ATRNL1: variants seen among roughly 807,000 people sequenced by gnomAD.
ATRNL1 encodes the protein attractin like 1.
Under a neutral mutation model 182.7 loss-of-function variants are expected in ATRNL1, and 95 were observed. The observed-to-expected ratio is 0.52, with a 90% confidence interval of 0.44 to 0.62. ATRNL1 has a LOEUF of 0.62. ATRNL1 is among the 20% of genes least tolerant of loss of function. ATRNL1 has a pLI of 0.00. For missense variants in ATRNL1, 1,471 were observed against 1,679.5 expected (o/e 0.88, Z 2.17); for synonymous variants, 576 against 568.3 (o/e 1.01, Z -0.19).
chr10:115,700,815 T>C (rs1555051304), intron 26 of ATRNL1, among the ~76,000 whole-genome samples: 1 of 152,040 alleles, frequency 6.6e-6, no homozygotes. Context: ...AACAAGTCCT[T>C]CTAGACCTAT....
intron 26 of ATRNL1, among the ~76,000 whole-genome samples, chr10:115,657,777 C>A (rs1555036435): frequency 6.6e-6 from 1 of 152,118 alleles, no homozygotes; most frequent in East Asian, 1.9e-4. Context: ...AATTAAGAAT[C>A]TTTGCTTTAA....
chr10:115,166,662 A>C (rs577616920), intron 7 of ATRNL1, among the ~76,000 whole-genome samples: 1 of 151,932 alleles, frequency 6.6e-6, no homozygotes, highest in Admixed American at 6.6e-5. Flanking sequence ...ATGATGTTAA[A>C]TATCTTTTCA....
intron 27 of ATRNL1, among the ~76,000 whole-genome samples, chr10:115,822,578 AT>A (rs1229189864): frequency 6.8e-6 from 1 of 147,368 alleles, no homozygotes; most frequent in Non-Finnish European, 1.5e-5. Flanking sequence ...AACAGACACA[AT>A]AAAAAATGAT....
chr10:115,431,928 A>G (rs1044641168), intron 21 of ATRNL1, among the ~76,000 whole-genome samples: 12 of 152,016 alleles, frequency 7.9e-5, no homozygotes, highest in Non-Finnish European at 1.6e-4. Context: ...ACCATTATGA[A>G]CACATTATGT....
At chr10:115,646,422 T>C (rs12777776) in intron 26 of ATRNL1, among the ~76,000 whole-genome samples, 26,316 of 152,022 alleles carry the variant, frequency 0.17, 2,881 homozygotes, top group East Asian at 0.26. Context: ...CCCTGTTCTT[T>C]CCATTTTATG....
intron 19 of ATRNL1, among the ~76,000 whole-genome samples, chr10:115,350,409 C>T (rs1262914361): frequency 7.1e-6 from 1 of 141,078 alleles, no homozygotes. Context: ...AGTTTCAGGT[C>T]TTACATTTAA....
At chr10:115,321,058 G>A (rs1188368926) in intron 18 of ATRNL1, among the ~76,000 whole-genome samples, 1 of 152,038 alleles carries the variant, frequency 6.6e-6, no homozygotes, top group South Asian at 2.1e-4. Flanking sequence ...TTTTCTTTGA[G>A]GCTGTTTACC....
At chr10:115,662,387 G>A (rs978369682) in intron 26 of ATRNL1, among the ~76,000 whole-genome samples, 8 of 152,074 alleles carry the variant, frequency 5.3e-5, no homozygotes, top group African/African-American at 1.9e-4. Context: ...TTCAACCATT[G>A]TGGAAGTCAG....
At chr10:115,582,105 T>C (rs1855136067) in intron 26 of ATRNL1, among the ~76,000 whole-genome samples, 2 of 152,164 alleles carry the variant, frequency 1.3e-5, no homozygotes, top group South Asian at 4.2e-4. Flanking sequence ...TAGTATTCCA[T>C]GGTGTATGTG....
intron 24 of ATRNL1, among the ~76,000 whole-genome samples, chr10:115,507,480 A>G (rs1172216089): frequency 6.6e-6 from 1 of 152,076 alleles, no homozygotes; most frequent in Non-Finnish European, 1.5e-5. Context: ...CCTAATAATG[A>G]TAGTACACAC....
intron 10 of ATRNL1, among the ~76,000 whole-genome samples, chr10:115,264,727 A>G (rs1328412688): frequency 6.6e-6 from 1 of 151,676 alleles, no homozygotes; most frequent in Non-Finnish European, 1.5e-5. Context: ...AAAGTGATTT[A>G]AATGTTTTAT....
At chr10:115,420,451 G>GGAAATTAAACAAGTCAATGAA in intron 20 of ATRNL1, among the ~76,000 whole-genome samples, 1 of 151,942 alleles carries the variant, frequency 6.6e-6, no homozygotes, top group Non-Finnish European at 1.5e-5. Context: ...ATACGTACAT[G>GGAAATTAAACAAGTCAATGAA]GAAATTAAAC....
At chr10:115,299,041 T>G (rs1853341186) in intron 15 of ATRNL1, among the ~76,000 whole-genome samples, 1 of 151,918 alleles carries the variant, frequency 6.6e-6, no homozygotes, top group Admixed American at 6.6e-5. Context: ...TGTTAATGTC[T>G]AAGGTGGAGA....
At chr10:115,311,846 C>G (rs1305439037) in intron 17 of ATRNL1, among the ~76,000 whole-genome samples, 1 of 151,948 alleles carries the variant, frequency 6.6e-6, no homozygotes, top group African/African-American at 2.4e-5. Context: ...ATACTTTTAT[C>G]ATTATATAAT....
At chr10:115,576,578 G>C (rs577638295) in intron 26 of ATRNL1, among the ~76,000 whole-genome samples, 1 of 151,920 alleles carries the variant, frequency 6.6e-6, no homozygotes, top group African/African-American at 2.4e-5. Context: ...TTTAAAATTA[G>C]GTTATTTGCT....
chr10:115,763,485 T>A (rs575803754), intron 27 of ATRNL1, among the ~76,000 whole-genome samples: 2 of 152,152 alleles, frequency 1.3e-5, no homozygotes, highest in Non-Finnish European at 2.9e-5. Flanking sequence ...AAGATAAATT[T>A]CCCTAGTGAA....
chr10:115,841,076 G>T (rs1214568783), intron 27 of ATRNL1, among the ~76,000 whole-genome samples: 2 of 152,096 alleles, frequency 1.3e-5, no homozygotes, highest in African/African-American at 4.8e-5. Flanking sequence ...CTATTTTAAA[G>T]TTTTGAAAAA....
At chr10:115,383,586 A>T (rs1333196189) in intron 19 of ATRNL1, among the ~76,000 whole-genome samples, 1 of 151,988 alleles carries the variant, frequency 6.6e-6, no homozygotes, top group African/African-American at 2.4e-5. Flanking sequence ...CTATTGGCAT[A>T]AGATTGATAC....
chr10:115,169,724 A>G (rs1847209818), intron 7 of ATRNL1, among the ~76,000 whole-genome samples: 1 of 152,122 alleles, frequency 6.6e-6, no homozygotes, highest in South Asian at 2.1e-4. Context: ...CTCTTAATCA[A>G]TTTGGAGAGT....
Sources: gnomAD v4.1 joint callset for allele counts (sites outside exome capture counted in the v4.1 genomes callset) on GRCh38, gnomAD v4.1.1 for gene constraint, MANE v1.5 for transcripts, NCBI Gene and HGNC (gene_info 2026-07-23, HGNC 2026-07-21) for gene names.